The following LRRK1 variants were observed in gnomAD, a reference collection of about 807,000 sequenced individuals.
LRRK1 encodes leucine-rich repeat serine/threonine-protein kinase 1.
A neutral mutation model predicts 209.1 loss-of-function variants in LRRK1; 113 were observed. The observed-to-expected ratio is 0.54, with a 90% CI of 0.46 to 0.63. The LOEUF (loss-of-function observed/expected upper bound fraction) is 0.63. LRRK1 is among the 30% of genes least tolerant of loss of function. LRRK1 has a pLI of 0.00. For synonymous variants in LRRK1, 1,144 were observed against 1,099.7 expected (o/e 1.04, Z -0.80); for missense variants, 2,284 against 2,632.2 (o/e 0.87, Z 2.89).
intron 13 of LRRK1, 112 bp from the exon 14 acceptor site, chr15:101,021,733 C>A: frequency 1.5e-6 from 1 of 680,242 alleles, no homozygotes; most frequent in Non-Finnish European, 2.5e-6. Context: ...AGTGTGGGGT[C>A]TGGGGTACAG....
At chr15:101,053,125 C>G in intron 25 of LRRK1, 37 bp downstream of exon 25, 1 of 1,593,540 alleles carries the variant, frequency 6.3e-7, no homozygotes. Flanking sequence ...TTTTCTCAGA[C>G]ATATGCTGCC....
At chr15:101,062,524 C>A (rs1366504188) in intron 30 of LRRK1, 50 bp from the exon 31 acceptor site, 7 of 1,312,484 alleles carry the variant, frequency 5.3e-6, no homozygotes, top group Non-Finnish European at 4.4e-6. Flanking sequence ...TTGGGAAATG[C>A]CAGACACTTT....
In LRRK1 at chr15:101,053,082, C is replaced by A; in HGVS notation, c.3850C>A (p.Pro1284Thr). The A allele has an allele frequency of 1.2e-6, 2 of 1,606,626 alleles. No individual in the cohort carries two copies. Among genetic ancestry groups the A allele is most frequent in the Non-Finnish European group, 1.7e-6 (2 of 1,175,254 alleles). ...IKKFKNFANVPADTMLRHLRA... is the reference protein window; with the variant it reads ...IKKFKNFANVTADTMLRHLRA... Reference sequence around the variant, plus strand: ...AAAATTCAAGAACTTTGCTAACGTACCGGCAGGTAAGCGGGTCCCAGGTTG... The same window carrying A: ...AAAATTCAAGAACTTTGCTAACGTAACGGCAGGTAAGCGGGTCCCAGGTTG... The change falls in exon 25 of 34, where the codon CCG becomes ACG. Residue 1284 changes from proline (P) to threonine (T), a missense_variant. Physicochemically the swap from Pro to Thr is conservative, Grantham distance 38. This residue lies in a region of LRRK1 where 780 missense variants were observed against 985.2 expected (regional missense o/e 0.79). Coordinates refer to ENST00000388948, the MANE Select transcript of LRRK1 (RefSeq NM_024652.6).
chr15:100,930,433 T>C (rs60498669), intron 2 of LRRK1, among the ~76,000 whole-genome samples: 52,492 of 151,998 alleles, frequency 0.35, 11,192 homozygotes, highest in African/African-American at 0.6. Flanking sequence ...TGGACCGGCT[T>C]TCAGGAGCAC....
rs868044422 is a variant in LRRK1 at position 101,015,354 on chromosome 15, A to G, written c.1561A>G (p.Ile521Val). 1.2e-6 allele frequency: 2 copies of G among 1,613,844 alleles called. No homozygotes were observed. The highest frequency in any genetic ancestry group is 8.5e-7 in the Non-Finnish European group (1 of 1,179,860). The change falls in exon 12 of 34, where the codon ATT becomes GTT. Residue 521 changes from isoleucine to valine, a missense_variant. Coordinates refer to ENST00000388948, the MANE Select transcript of LRRK1 (RefSeq NM_024652.6). ...KNEDGLKTKR[I>V]AFFTTRGRQR... ...TGAAGATGGACTGAAAACGAAGCGT[A>G]TTGCCTTTTTCACCACCAGAGGTCG... is the stretch of plus-strand genomic sequence containing the variant.
rs566223829 is a variant in LRRK1, at chr15:100,997,235, C to T, written c.762+7837C>T. On this transcript the variant is annotated intron_variant, in intron 6 of 33. Transcript: ENST00000388948. ...GAACATTAAAGCAAAATTATTTATA[C>T]TAAAACATAATTTTAAAAAGAAAAG... Among the ~76,000 whole-genome samples, 228 of 152,178 alleles carry T rather than the reference C, an allele frequency of 1.5e-3. 1 individual carries two copies. Among genetic ancestry groups the T allele is most frequent in the Middle Eastern group, 6.8e-3 (2 of 292 alleles).
chr15:101,048,573 G>A lies in LRRK1; in HGVS notation c.3215G>A (p.Arg1072His), dbSNP rs765787797. Residue 1072 changes from arginine to histidine, a missense_variant, in exon 22 of 34, where the codon CGC becomes CAC. Coordinates refer to ENST00000388948, the MANE Select transcript of LRRK1 (RefSeq NM_024652.6). ...IYSFTGNQRN[R>H]CSTFRVKRNQ... is the part of the protein sequence containing the mutation. ...AGTTTTACAGGAAACCAGAGAAATC[G>A]CTGTAGCACATTCAGAGTGAAAAGA... 6.3e-7 allele frequency: 1 copy of A among 1,588,022 alleles called. No individual in the cohort carries two copies. The highest frequency in any genetic ancestry group is 2.3e-5 in the East Asian group (1 of 43,094).
Position 101,061,273 on chromosome 15 carries a change from G to C in LRRK1, c.4782G>C (p.Leu1594=), listed in dbSNP as rs1209744699. The C allele has an allele frequency of 7.4e-6, 12 of 1,613,066 alleles. No individual in the cohort carries two copies. Among genetic ancestry groups the C allele is most frequent in the Non-Finnish European group, 9.3e-6 (11 of 1,179,142 alleles). The change falls in exon 30 of 34, where the codon CTG becomes CTC. Residue 1594 remains leucine (L), a synonymous_variant. Transcript: ENST00000388948. ...VSCQLQVQRS[L]WTATEDQKIY... ...GCCAGCTCCAGGTCCAGAGATCCCT[G>C]TGGACAGCCACCGAGGTAAGCACTG... is the stretch of plus-strand genomic sequence containing the variant.
Position 101,053,399 on chromosome 15 carries a change from G to C in LRRK1, c.4033G>C (p.Val1345Leu). The C allele has an allele frequency of 6.3e-7, 1 of 1,598,000 alleles. No individual in the cohort carries two copies. The highest frequency in any genetic ancestry group is 1.1e-5 in the South Asian group (1 of 90,764). The change falls in exon 26 of 34, where the codon GTG (valine) becomes CTG (leucine). Residue 1345 changes from valine (V) to leucine (L), a missense_variant. Val to Leu is a conservative substitution (Grantham distance 32). Transcript: ENST00000388948. ...CGCGCCGCTCAGCAGCCTCAACACC[G>C]TGCTGTCCGAGAACGCCAGAGGTAC... ...ELAPLSSLNT[V>L]LSENARDSSF...
chr15:101,057,490 T>C (rs1233658497), intron 28 of LRRK1, among the ~76,000 whole-genome samples: 1 of 152,210 alleles, frequency 6.6e-6, no homozygotes. Flanking sequence ...AAGTTAAAAC[T>C]CATTTATTAA....
chr15:101,014,532 G>A, intron 11 of LRRK1, 104 bp downstream of exon 11: 5 of 759,202 alleles, frequency 6.6e-6, no homozygotes, highest in South Asian at 1.6e-5. Context: ...GGGCTGCTGA[G>A]CCGCCAGCTG....
intron 20 of LRRK1, among the ~76,000 whole-genome samples, chr15:101,039,378 A>G (rs374693151): frequency 2.0e-5 from 3 of 152,306 alleles, no homozygotes; most frequent in African/African-American, 7.2e-5. Context: ...GGTAAATGAC[A>G]TATCTTCTAA....
chr15:101,012,750 C>A (rs2033327214), intron 10 of LRRK1, among the ~76,000 whole-genome samples: 1 of 152,242 alleles, frequency 6.6e-6, no homozygotes, highest in Admixed American at 6.5e-5. Flanking sequence ...TGCGGCGACC[C>A]CCACAAGGCA....
chr15:100,932,781 G>A (rs536381750), intron 2 of LRRK1, among the ~76,000 whole-genome samples: 1 of 152,210 alleles, frequency 6.6e-6, no homozygotes, highest in African/African-American at 2.4e-5. Context: ...CGTTGAAACA[G>A]TGCCTGTTGA....
intron 6 of LRRK1, among the ~76,000 whole-genome samples, chr15:100,995,074 G>A (rs1450140258): frequency 1.3e-5 from 2 of 152,162 alleles, no homozygotes; most frequent in African/African-American, 2.4e-5. Context: ...TTGAAGTAAC[G>A]GTCCCTTCAG....
chr15:100,984,223 T>G (rs1280512622), intron 4 of LRRK1, among the ~76,000 whole-genome samples: 1 of 151,864 alleles, frequency 6.6e-6, no homozygotes, highest in East Asian at 1.9e-4. Flanking sequence ...GAGGTGACCC[T>G]CCACTGTGCG....
intron 10 of LRRK1, among the ~76,000 whole-genome samples, chr15:101,012,911 G>A (rs2033340820): frequency 6.6e-6 from 1 of 151,920 alleles, no homozygotes; most frequent in Non-Finnish European, 1.5e-5. Flanking sequence ...GGGGGGGGGT[G>A]GTCCCACATC....
chr15:101,075,824 A>C lies in LRRK1; in HGVS notation c.*6976A>C, dbSNP rs547269837. 6.6e-6 allele frequency: 1 copy of C among 152,058 alleles called. No homozygotes were observed. Among genetic ancestry groups the C allele is most frequent in the Non-Finnish European group, 1.5e-5 (1 of 68,054 alleles). The allele number at this position is 152,058 out of a possible 1,614,324, so 9.4% of individuals were successfully genotyped here. A position where few individuals can be genotyped will look rare whatever the true frequency, so the allele number is the denominator to read the frequency against. On this transcript the variant is annotated 3_prime_UTR_variant, in exon 34 of 34. Transcript: ENST00000388948. ...TCTTTACTATTCCTTTGCACCCTTC[A>C]TCCCAGCCTCTCTTCACTTTCACTT... is the stretch of plus-strand genomic sequence containing the variant.
chr15:101,015,448 G>A (rs765009097), intron 12 of LRRK1, 46 bp downstream of exon 12: 3 of 1,466,270 alleles, frequency 2.0e-6, no homozygotes, highest in Admixed American at 3.6e-5. Context: ...GACAGCCGGG[G>A]TAGCCTGGTT....
Sources: allele counts gnomAD v4.1 joint callset (sites outside exome capture counted in the v4.1 genomes callset), GRCh38; gene constraint gnomAD v4.1.1; regional missense constraint gnomAD v4.1.1; transcripts MANE v1.5; gene names NCBI Gene and HGNC (gene_info 2026-07-23, HGNC 2026-07-21).